The following TEX14 variants were observed in gnomAD, a reference collection of about 807,000 sequenced individuals.
TEX14 encodes inactive serine/threonine-protein kinase TEX14.
A neutral mutation model predicts 178.6 loss-of-function variants in TEX14; 168 were observed. That is an observed-to-expected ratio of 0.94 (90% CI 0.83 to 1.07). The LOEUF (loss-of-function observed/expected upper bound fraction) is 1.07, where lower values mean the gene tolerates loss of function less well. TEX14 is among the 50% of genes least tolerant of loss of function. TEX14 has a pLI of 0.00. For synonymous variants in TEX14, 626 were observed against 634.1 expected, an observed-to-expected ratio of 0.99 and a Z score of 0.19; for missense variants, 1,730 against 1,753.6, an observed-to-expected ratio of 0.99 and a Z score of 0.24.
At chr17:58,670,236 TACAG>T (rs1202503976) in intron 1 of TEX14, among the ~76,000 whole-genome samples, 2 of 152,204 alleles carry the variant, frequency 1.3e-5, no homozygotes, top group African/African-American at 4.8e-5. Context: ...TGGGCTAGAC[TACAG>T]ACTGTCGAAG....
intron 1 of TEX14, among the ~76,000 whole-genome samples, chr17:58,663,454 A>G (rs2047154687): frequency 6.6e-6 from 1 of 151,406 alleles, no homozygotes; most frequent in Non-Finnish European, 1.5e-5. Context: ...ATTAATGCCA[A>G]TGTAACTGAA....
At chr17:58,673,440 G>A (rs1216103149) in intron 1 of TEX14, among the ~76,000 whole-genome samples, 7 of 150,542 alleles carry the variant, frequency 4.6e-5, no homozygotes, top group African/African-American at 1.7e-4. Flanking sequence ...CCGAGATCAC[G>A]CCACTGCACT....
At chr17:58,660,321 A>C (rs2047082081) in intron 1 of TEX14, 1 of 201,706 alleles carries the variant, frequency 5.0e-6, no homozygotes, top group South Asian at 1.8e-4. Flanking sequence ...GAATCTCTTG[A>C]ATCCAGGAGG....
At chr17:58,673,783 G>A (rs756317202) in intron 1 of TEX14, among the ~76,000 whole-genome samples, 33 of 151,872 alleles carry the variant, frequency 2.2e-4, no homozygotes, top group Non-Finnish European at 3.5e-4. Context: ...ATGTTGCCCA[G>A]CTTGGTCTCA....
At chr17:58,557,919 A>G in intron 30 of TEX14, 69 bp from the exon 31 acceptor site, 4 of 1,171,816 alleles carry the variant, frequency 3.4e-6, no homozygotes, top group South Asian at 1.3e-5. Context: ...GCCAGTATTC[A>G]TATTAGTGCT....
At chr17:58,665,504 G>A (rs2047188007) in intron 1 of TEX14, among the ~76,000 whole-genome samples, 1 of 152,070 alleles carries the variant, frequency 6.6e-6, no homozygotes, top group Non-Finnish European at 1.5e-5. Context: ...GCTGAGGCAT[G>A]AGAATTGCTT....
intron 10 of TEX14, among the ~76,000 whole-genome samples, chr17:58,607,803 T>C (rs899357074): frequency 2.0e-5 from 3 of 152,230 alleles, no homozygotes; most frequent in African/African-American, 4.8e-5. Flanking sequence ...ATTTTAAGTT[T>C]TTCCTTCAAC....
chr17:58,602,490 A>G lies in TEX14; in HGVS notation c.1437T>C (p.Tyr479=). 1.2e-6 allele frequency: 2 copies of G among 1,614,014 alleles called. No homozygotes were observed. The highest frequency in any genetic ancestry group is 2.7e-5 in the African/African-American group (2 of 75,010). Residue 479 remains tyrosine (Y), a synonymous_variant, in exon 12 of 32, where the codon TAT becomes TAC. Coordinates refer to ENST00000349033, the MANE Select transcript of TEX14 (RefSeq NM_031272.5). The stretch of plus-strand genomic sequence containing the variant: ...CGTGGATGCCTGACTTAACAATATC[A>G]TAGTAAGGTTTCGGAAGCCTGACAT... ...EADVRLPKPY[Y]DIVKSGIHVK... is the part of the protein sequence containing the mutation.
chr17:58,589,505 T>C (rs1372595201), intron 15 of TEX14, among the ~76,000 whole-genome samples: 1 of 138,188 alleles, frequency 7.2e-6, no homozygotes. Flanking sequence ...GAGGTTGCAG[T>C]GAGCCAAGAT....
At chr17:58,596,409 G>C (rs917581911) in intron 14 of TEX14, among the ~76,000 whole-genome samples, 1 of 152,004 alleles carries the variant, frequency 6.6e-6, no homozygotes, top group Non-Finnish European at 1.5e-5. Context: ...AGCCTCCCAA[G>C]TAGCTGGGAC....
intron 18 of TEX14, among the ~76,000 whole-genome samples, chr17:58,585,205 G>A (rs572113852): frequency 3.6e-4 from 55 of 152,168 alleles, no homozygotes; most frequent in Admixed American, 1.1e-3. Context: ...TCGATTCCTC[G>A]CCAAAACCAG....
intron 15 of TEX14, among the ~76,000 whole-genome samples, chr17:58,591,402 C>T (rs1177329893): frequency 1.3e-5 from 2 of 152,126 alleles, no homozygotes; most frequent in Non-Finnish European, 2.9e-5. Context: ...TCTGTAATCC[C>T]AGCTACTTGG....
intron 1 of TEX14, among the ~76,000 whole-genome samples, chr17:58,670,577 C>T (rs1381258985): frequency 1.3e-5 from 2 of 151,502 alleles, no homozygotes; most frequent in African/African-American, 4.8e-5. Flanking sequence ...TGTTTGAGAC[C>T]AGCCTGGCCA....
chr17:58,626,569 C>CAAAA (rs11327030), intron 3 of TEX14, among the ~76,000 whole-genome samples: 2 of 33,652 alleles, frequency 5.9e-5, no homozygotes, highest in Non-Finnish European at 9.8e-5. Context: ...GACTCCATCT[C>CAAAA]AAAAAAAAAA....
chr17:58,647,337 C>G (rs577813068), intron 2 of TEX14, among the ~76,000 whole-genome samples: 1 of 151,914 alleles, frequency 6.6e-6, no homozygotes, highest in African/African-American at 2.4e-5. Context: ...CGAGACCATG[C>G]TGGCTAACAC....
chr17:58,639,439 G>A (rs552706383), intron 2 of TEX14, among the ~76,000 whole-genome samples: 4 of 151,826 alleles, frequency 2.6e-5, no homozygotes, highest in Admixed American at 1.3e-4. Flanking sequence ...GGTGGCTCAC[G>A]CCTGTAATTG....
intron 2 of TEX14, among the ~76,000 whole-genome samples, chr17:58,647,758 A>G (rs1028164897): frequency 3.3e-5 from 5 of 151,960 alleles, no homozygotes; most frequent in Non-Finnish European, 7.4e-5. Flanking sequence ...GCAGTGGTGC[A>G]ACCTTGGCTC....
intron 1 of TEX14, among the ~76,000 whole-genome samples, chr17:58,675,968 G>A (rs1019966681): frequency 7.9e-5 from 12 of 152,242 alleles, no homozygotes; most frequent in Admixed American, 2.0e-4. Context: ...GCCAGGTGCC[G>A]TGGCTCACAC....
chr17:58,661,762 T>C (rs902107506), intron 1 of TEX14: 6 of 552,184 alleles, frequency 1.1e-5, no homozygotes, highest in South Asian at 5.2e-5. Context: ...ACGGAGTCGG[T>C]TGTGCCGGGT....
Sources: allele counts gnomAD v4.1 joint callset (sites outside exome capture counted in the v4.1 genomes callset), GRCh38; gene constraint gnomAD v4.1.1; transcripts MANE v1.5; gene names NCBI Gene and HGNC (gene_info 2026-07-23, HGNC 2026-07-21).